TRPV5: variants seen among roughly 807,000 people sequenced by gnomAD.
The protein encoded by TRPV5 is transient receptor potential cation channel subfamily V member 5.
A neutral mutation model predicts 74.1 loss-of-function variants in TRPV5; 66 were observed. The observed-to-expected ratio is 0.89, with a 90% CI of 0.73 to 1.09. The LOEUF (loss-of-function observed/expected upper bound fraction) is 1.09, where lower values mean the gene tolerates loss of function less well. Among genes scored for constraint, TRPV5 ranks in the 50% least tolerant of loss-of-function variants. The probability of loss-of-function intolerance (pLI) is 0.00; values close to 1 mark genes in which losing one functional copy is unlikely to be tolerated. For missense variants in TRPV5, 936 were observed against 930.4 expected (o/e 1.01, Z -0.08); for synonymous variants, 399 against 360.7 (o/e 1.11, Z -1.20).
chr7:142,932,608 T>G (rs970083910), intron 1 of TRPV5, among the ~76,000 whole-genome samples: 3 of 152,048 alleles, frequency 2.0e-5, no homozygotes, highest in Non-Finnish European at 4.4e-5. Context: ...CCCAAAACAC[T>G]TGGAGGAAGA....
chr7:142,929,249 C>A, intron 4 of TRPV5, 129 bp from the exon 5 acceptor site: 1 of 1,476,072 alleles, frequency 6.8e-7, no homozygotes, highest in Non-Finnish European at 9.1e-7. Context: ...ACTCGTCCAG[C>A]AGAACCAGAG....
rs746812350 is a variant in TRPV5, at chr7:142,912,478, T to G, written c.1788+4A>C. 6.2e-7 allele frequency: 1 copy of G among 1,608,648 alleles called. No individual in the cohort carries two copies. The highest frequency in any genetic ancestry group is 1.7e-5 in the Admixed American group (1 of 59,706). On this transcript the variant is annotated splice_donor_region_variant and intron_variant, in intron 13 of 14. Transcript: ENST00000265310. ...CTTAGCAAGACTAACACAAATAAAC[T>G]CACCTGGGCCCTCCAGAGCTCATCC...
chr7:142,909,611 G>C lies in TRPV5; in HGVS notation c.1789-15C>G. The C allele has an allele frequency of 1.2e-6, 2 of 1,612,406 alleles. No homozygotes were observed. Among genetic ancestry groups the C allele is most frequent in the Non-Finnish European group, 1.7e-6 (2 of 1,179,488 alleles). ...GTGGCCACGACCTGGAAGGAGGCAG[G>C]AGATACAGGAAGAACTCTGAAAGAG... On this transcript the variant is annotated splice_polypyrimidine_tract_variant and intron_variant, in intron 13 of 14. Transcript: ENST00000265310.
At position 142,908,638 on chromosome 7, in the gene TRPV5, G is replaced by GAC; in HGVS notation, c.2064_2065dup (p.Ser689CysfsTer25). 2.5e-6 allele frequency: 4 copies of GAC among 1,614,232 alleles called. No homozygotes were observed. The highest frequency in any genetic ancestry group is 3.4e-6 in the Non-Finnish European group (4 of 1,180,048). ...ACTGCTGCTCTGGGACGCGGTCCGG[G>GAC]ACAGGGAGGAAGTTGGAAGAGCCAA... On this transcript the variant is annotated frameshift_variant, in exon 15 of 15. Coordinates refer to ENST00000265310, the MANE Select transcript of TRPV5 (RefSeq NM_019841.7). LOFTEE classifies it high-confidence loss of function.
At chr7:142,909,953 G>A (rs1036015090) in intron 13 of TRPV5, among the ~76,000 whole-genome samples, 14 of 152,158 alleles carry the variant, frequency 9.2e-5, no homozygotes, top group Non-Finnish European at 7.3e-5. Context: ...GAATCTCTAC[G>A]ATCTTGGGGA....
intron 8 of TRPV5, among the ~76,000 whole-genome samples, chr7:142,916,022 G>A (rs1025728384): frequency 5.3e-5 from 8 of 152,148 alleles, no homozygotes; most frequent in Admixed American, 3.3e-4. Context: ...GTTCCCTCAC[G>A]GATCCGGAAT....
intron 8 of TRPV5, among the ~76,000 whole-genome samples, chr7:142,916,158 A>G (rs1313324249): frequency 2.0e-5 from 3 of 152,208 alleles, no homozygotes; most frequent in African/African-American, 7.2e-5. Context: ...TTAATGATAT[A>G]TTTACATGAA....
chr7:142,909,038 C>T (rs1795665302), intron 14 of TRPV5, among the ~76,000 whole-genome samples: 1 of 152,056 alleles, frequency 6.6e-6, no homozygotes, highest in South Asian at 2.1e-4. Flanking sequence ...TGGTAGGACG[C>T]ACACAGGTGT....
rs1796015751 is a variant in TRPV5 at position 142,928,070 on chromosome 7, C to A, written c.909+18G>T. Reference sequence around the variant, plus strand: ...AATTCCCTCACATGACAGGCCTGATCCTCCTTGGCATCCATACCTCTCGTT... The same window carrying A: ...AATTCCCTCACATGACAGGCCTGATACTCCTTGGCATCCATACCTCTCGTT... On this transcript the variant is annotated intron_variant, in intron 7 of 14. Coordinates refer to ENST00000265310, the MANE Select transcript of TRPV5 (RefSeq NM_019841.7). The A allele has an allele frequency of 3.7e-6, 6 of 1,614,044 alleles. No individual in the cohort carries two copies. The highest frequency in any genetic ancestry group is 5.1e-6 in the Non-Finnish European group (6 of 1,179,962).
intron 14 of TRPV5, 32 bp from the exon 15 acceptor site, chr7:142,908,840 C>T: frequency 6.3e-7 from 1 of 1,593,096 alleles, no homozygotes; most frequent in South Asian, 1.1e-5. Flanking sequence ...GGACTCAATC[C>T]AGGTGGGGAG....
intron 13 of TRPV5, 108 bp downstream of exon 13, chr7:142,912,374 A>G: frequency 1.4e-6 from 2 of 1,445,150 alleles, no homozygotes; most frequent in African/African-American, 1.4e-5. Flanking sequence ...TGACAGCCTC[A>G]CTGGGTTTTT....
chr7:142,910,799 G>A (rs559979555), intron 13 of TRPV5, among the ~76,000 whole-genome samples: 4 of 152,208 alleles, frequency 2.6e-5, no homozygotes, highest in East Asian at 3.9e-4. Context: ...GTCCTTCCTC[G>A]GGTAACAGCA....
chr7:142,922,786 C>T (rs756260), intron 8 of TRPV5, among the ~76,000 whole-genome samples: 116,241 of 152,110 alleles, frequency 0.76, 48,380 homozygotes, highest in East Asian at 0.96. Flanking sequence ...GCTGCTCTGC[C>T]TAAACCAAGT....
rs4726597 is a variant in TRPV5, at chr7:142,913,313, G to A, written c.1520-563C>T. On this transcript the variant is annotated intron_variant, in intron 12 of 14. Coordinates refer to ENST00000265310, the MANE Select transcript of TRPV5 (RefSeq NM_019841.7). ...TGGAGCCTACTGGATAGCAGTGAGC[G>A]TAAGGGAACTTCAGGACAGCGCTGG... Among the ~76,000 whole-genome samples the A allele has an allele frequency of 4.0e-3, 610 of 152,346 alleles. 16 individuals are homozygous for A. The highest frequency in any genetic ancestry group is 0.034 in the Admixed American group (518 of 15,300).
intron 8 of TRPV5, among the ~76,000 whole-genome samples, 180 bp from the exon 9 acceptor site, chr7:142,915,748 T>C (rs983340454): frequency 1.1e-4 from 16 of 152,238 alleles, no homozygotes; most frequent in African/African-American, 1.7e-4. Flanking sequence ...CAGGAGTCTA[T>C]GTATCCAAGG....
At chr7:142,911,275 G>T (rs4252538) in intron 13 of TRPV5, among the ~76,000 whole-genome samples, 368 of 152,258 alleles carry the variant, frequency 2.4e-3, no homozygotes, top group Middle Eastern at 3.4e-3. Flanking sequence ...CTGCATTCTG[G>T]CCAGATACCT....
chr7:142,911,540 C>T (rs892690464), intron 13 of TRPV5, among the ~76,000 whole-genome samples: 1 of 152,228 alleles, frequency 6.6e-6, no homozygotes, highest in Non-Finnish European at 1.5e-5. Flanking sequence ...TCCGATTCCT[C>T]TGTTGTATCC....
Position 142,923,305 on chromosome 7 carries a change from A to G in TRPV5, c.1122+2224T>C, listed in dbSNP as rs4252446. 7.4e-3 allele frequency among the ~76,000 whole-genome samples: 1,128 copies of G among 152,276 alleles called. 15 individuals carry two copies. Among genetic ancestry groups the G allele is most frequent in the African/African-American group, 0.026 (1,082 of 41,536 alleles). ...TTTTCTAAGACTTTCAAGTAAGAAA[A>G]CAGTAGGAAAAAAAAGGAATTTCCT... On this transcript the variant is annotated intron_variant, in intron 8 of 14. Transcript: ENST00000265310.
At chr7:142,914,349 A>G (rs1483087112) in intron 12 of TRPV5, among the ~76,000 whole-genome samples, 1 of 152,172 alleles carries the variant, frequency 6.6e-6, no homozygotes, top group Non-Finnish European at 1.5e-5. Flanking sequence ...GTTCTCACCA[A>G]AAGTCTTTTC....
Sources: allele counts gnomAD v4.1 joint callset (sites outside exome capture counted in the v4.1 genomes callset), GRCh38; gene constraint gnomAD v4.1.1; transcripts MANE v1.5; gene names NCBI Gene and HGNC (gene_info 2026-07-23, HGNC 2026-07-21).